The following AK7 variants were observed in gnomAD, a reference collection of about 807,000 sequenced individuals.
AK7 encodes ATP-AMP transphosphorylase 7.
A neutral mutation model predicts 96.6 loss-of-function variants in AK7; 78 were observed. The observed-to-expected ratio is 0.81, with a 90% confidence interval of 0.67 to 0.97. The LOEUF is 0.97. Ranked by LOEUF, AK7 falls within the 50% of genes least tolerant of loss-of-function variation. The pLI is 0.00. For synonymous variants in AK7, 302 were observed against 317.2 expected (o/e 0.95, Z 0.51); for missense variants, 855 against 887.9 (o/e 0.96, Z 0.47).
intron 1 of AK7, among the ~76,000 whole-genome samples, chr14:96,397,136 T>A (rs1469187579): frequency 1.3e-5 from 2 of 152,228 alleles, no homozygotes; most frequent in Admixed American, 1.3e-4. Flanking sequence ...AGATGTACTT[T>A]CAGTGTAAAA....
At position 96,489,153 on chromosome 14, in the gene AK7, T is replaced by C. The variant is rs1895934814; in HGVS notation, c.*810T>C. ...TTTAAATAATGTAACCTAATATAAC[T>C]GCCCGACTTTTTATTTGTGCTAAAA... On this transcript the variant is annotated 3_prime_UTR_variant, in exon 18 of 18. Transcript: ENST00000267584. 1 of 152,238 alleles carries C rather than the reference T, an allele frequency of 6.6e-6. No individual in the cohort carries two copies. The highest frequency in any genetic ancestry group is 2.4e-5 in the African/African-American group (1 of 41,472). The allele number at this position is 152,238 out of a possible 1,614,324, so 9.4% of individuals were successfully genotyped here.
intron 15 of AK7, among the ~76,000 whole-genome samples, 193 bp from the exon 16 acceptor site, chr14:96,482,806 C>T (rs567953076): frequency 1.1e-4 from 16 of 152,340 alleles, no homozygotes; most frequent in African/African-American, 3.8e-4. Context: ...TTCCTACCCA[C>T]AGCCCTCAGA....
chr14:96,393,082 T>C (rs1308011362), intron 1 of AK7, among the ~76,000 whole-genome samples: 5 of 152,180 alleles, frequency 3.3e-5, no homozygotes, highest in Non-Finnish European at 7.3e-5. Flanking sequence ...CGAGTTCCAT[T>C]AAGTTTCCTC....
In AK7 at chr14:96,399,713, G is replaced by T. The variant is rs548570363; in HGVS notation, c.294+1450G>T. Among the ~76,000 whole-genome samples the T allele has an allele frequency of 6.6e-6, 1 of 152,140 alleles. No individual in the cohort carries two copies. The highest frequency in any genetic ancestry group is 1.5e-5 in the Non-Finnish European group (1 of 68,026). On this transcript the variant is annotated intron_variant, in intron 2 of 17. Transcript: ENST00000267584. The surrounding 1 kb of genome is among the most constrained non-coding windows in gnomAD (Gnocchi z 4.1). Reference sequence around the variant, plus strand: ...CAGCCTGGCTTCCCGAGAGAAACTCGCCTTCCCTTCTTGTGCCTCGGCTCT... The same window carrying T: ...CAGCCTGGCTTCCCGAGAGAAACTCTCCTTCCCTTCTTGTGCCTCGGCTCT...
chr14:96,485,554 C>T (rs142060854), intron 16 of AK7, among the ~76,000 whole-genome samples: 51 of 152,262 alleles, frequency 3.3e-4, no homozygotes, highest in South Asian at 1.9e-3. Context: ...AAACTATGCA[C>T]GTGCCTGGCA....
At chr14:96,409,062 A>G (rs780110024) in intron 4 of AK7, 121 bp downstream of exon 4, 3 of 932,368 alleles carry the variant, frequency 3.2e-6, no homozygotes, top group Admixed American at 2.6e-5. Flanking sequence ...CCTATCCCAT[A>G]ATAAGCACCC....
intron 4 of AK7, among the ~76,000 whole-genome samples, chr14:96,409,896 G>A (rs1890938536): frequency 6.6e-6 from 1 of 152,224 alleles, no homozygotes; most frequent in African/African-American, 2.4e-5. Flanking sequence ...AACGCGAGTA[G>A]TTGACTCAAC....
intron 16 of AK7, 85 bp downstream of exon 16, chr14:96,483,304 TC>T: frequency 7.5e-7 from 1 of 1,340,804 alleles, no homozygotes; most frequent in Non-Finnish European, 1.0e-6. Flanking sequence ...CAGTTCCACT[TC>T]CCATCCTGCT....
intron 12 of AK7, among the ~76,000 whole-genome samples, chr14:96,463,719 CAAAAA>C (rs35376666): frequency 2.4e-5 from 2 of 83,772 alleles, no homozygotes; most frequent in Non-Finnish European, 2.2e-5. Context: ...TACTCTGTCT[CAAAAA>C]AAAAAAAAAA....
At chr14:96,431,988 A>G (rs1037669636) in intron 5 of AK7, among the ~76,000 whole-genome samples, 24 of 152,092 alleles carry the variant, frequency 1.6e-4, no homozygotes, top group Non-Finnish European at 2.9e-4. Flanking sequence ...TTCTTGTTGA[A>G]TTGATCTCTT....
At chr14:96,408,755 A>T in intron 3 of AK7, 92 bp from the exon 4 acceptor site, 1 of 1,105,816 alleles carries the variant, frequency 9.0e-7, no homozygotes, top group Non-Finnish European at 1.3e-6. Context: ...CCCTGGTGTT[A>T]AGTGGCTCCT....
At chr14:96,414,726 G>A (rs1241610413) in intron 4 of AK7, among the ~76,000 whole-genome samples, 2 of 151,420 alleles carry the variant, frequency 1.3e-5, no homozygotes, top group African/African-American at 4.8e-5. Context: ...CCAAGAAGAC[G>A]GATGGAGGTT....
chr14:96,462,994 G>C (rs528196633), intron 12 of AK7, among the ~76,000 whole-genome samples: 1 of 151,994 alleles, frequency 6.6e-6, no homozygotes, highest in Non-Finnish European at 1.5e-5. Context: ...AAAATTAGCC[G>C]GGTGTGGTGG....
At chr14:96,476,715 T>C (rs1895207928) in intron 14 of AK7, among the ~76,000 whole-genome samples, 1 of 152,154 alleles carries the variant, frequency 6.6e-6, no homozygotes, top group Non-Finnish European at 1.5e-5. Context: ...AATGAACATT[T>C]TTTTAAAAAT....
chr14:96,459,840 G>A (rs1894157067), intron 12 of AK7, among the ~76,000 whole-genome samples: 2 of 151,850 alleles, frequency 1.3e-5, no homozygotes. Context: ...TCGCACCACT[G>A]TACTCTAGCC....
rs1488965120 is a variant in AK7, at chr14:96,458,930, A to G, written c.1357+718A>G. 5.7e-5 allele frequency among the ~76,000 whole-genome samples: 8 copies of G among 140,406 alleles called. 2 individuals carry two copies. Among genetic ancestry groups the G allele is most frequent in the South Asian group, 4.5e-4 (2 of 4,432 alleles). The allele number at this position is 140,406 out of a possible 152,430, so 92.1% of individuals were successfully genotyped here. On this transcript the variant is annotated intron_variant, in intron 12 of 17. Coordinates refer to ENST00000267584, the MANE Select transcript of AK7 (RefSeq NM_152327.5). ...GTCTCAACAAAAAAAAAAAAAAAAA[A>G]AAAAAAAAGGTGAAGTACAGAAATT...
intron 7 of AK7, among the ~76,000 whole-genome samples, chr14:96,443,724 C>T (rs1311121648): frequency 6.6e-6 from 1 of 151,722 alleles, no homozygotes; most frequent in Non-Finnish European, 1.5e-5. Flanking sequence ...ACATAAAATA[C>T]ACTAACACTA....
intron 5 of AK7, chr14:96,421,502 C>T (rs533329892): frequency 6.6e-6 from 1 of 152,280 alleles, no homozygotes; most frequent in African/African-American, 2.4e-5. Context: ...CCACCAAAGC[C>T]TGCTGGGTTC....
chr14:96,476,731 A>G (rs897069701), intron 14 of AK7, among the ~76,000 whole-genome samples: 30 of 152,198 alleles, frequency 2.0e-4, no homozygotes, highest in Non-Finnish European at 4.0e-4. Flanking sequence ...AAAATCATCT[A>G]GTGAGAAGTA....
Sources: allele counts gnomAD v4.1 joint callset (sites outside exome capture counted in the v4.1 genomes callset), GRCh38; gene constraint gnomAD v4.1.1; non-coding constraint Gnocchi (gnomAD v3.1); transcripts MANE v1.5; gene names NCBI Gene and HGNC (gene_info 2026-07-23, HGNC 2026-07-21).